Variants in DAB1 observed in about 807,000 individuals in gnomAD.
DAB1 encodes disabled homolog 1.
Under a neutral mutation model 64.6 loss-of-function variants are expected in DAB1, and 15 were observed. The ratio of observed to expected loss-of-function variants is 0.23; its 90% CI spans 0.16 to 0.36. The LOEUF is 0.36. Among genes scored for constraint, DAB1 ranks in the 10% least tolerant of loss-of-function variants. The pLI, the probability that DAB1 is intolerant of heterozygous loss-of-function variation, is 1.00. For synonymous variants in DAB1, 235 were observed against 251.9 expected (o/e 0.93, Z 0.64); for missense variants, 596 against 706.7 (o/e 0.84, Z 1.78).
At chr1:57,145,003 C>T (rs1658978318) in intron 3 of DAB1, among the ~76,000 whole-genome samples, 2 of 152,014 alleles carry the variant, frequency 1.3e-5, no homozygotes, top group South Asian at 2.1e-4. Flanking sequence ...TAATTTTTTG[C>T]TTTTATTTTT....
intron 4 of DAB1, among the ~76,000 whole-genome samples, chr1:58,288,038 A>AAAAAAAAAAG (rs1557722959): frequency 7.3e-5 from 9 of 122,658 alleles, no homozygotes; most frequent in African/African-American, 9.0e-5. Context: ...AAAAAAAAAA[A>AAAAAAAAAAG]AAAAAAAGAA....
chr1:57,657,765 A>G (rs982413718), intron 6 of DAB1, among the ~76,000 whole-genome samples: 10 of 152,212 alleles, frequency 6.6e-5, no homozygotes, highest in South Asian at 2.1e-4. Context: ...TTTAATCAAG[A>G]GAAGTTCAAA....
intron 6 of DAB1, among the ~76,000 whole-genome samples, chr1:57,728,557 G>A (rs952115620): frequency 4.5e-4 from 68 of 151,514 alleles, no homozygotes; most frequent in Admixed American, 3.9e-4. Context: ...TCACGTCACC[G>A]TACTCCAGCC....
intron 7 of DAB1, among the ~76,000 whole-genome samples, chr1:57,467,503 T>C (rs1055461625): frequency 6.6e-6 from 1 of 152,154 alleles, no homozygotes; most frequent in African/African-American, 2.4e-5. Flanking sequence ...ATTTGTAACA[T>C]TAAAGTTTGA....
intron 4 of DAB1, among the ~76,000 whole-genome samples, chr1:57,127,072 A>G (rs1033430481): frequency 6.6e-6 from 1 of 152,236 alleles, no homozygotes; most frequent in Non-Finnish European, 1.5e-5. Flanking sequence ...CATCATTTTG[A>G]TACAAATAGC....
At chr1:57,557,131 G>A (rs1012827955) in intron 7 of DAB1, among the ~76,000 whole-genome samples, 1 of 152,152 alleles carries the variant, frequency 6.6e-6, no homozygotes, top group African/African-American at 2.4e-5. Context: ...ATTTGAGTCA[G>A]TGGGCTTGGA....
intron 5 of DAB1, among the ~76,000 whole-genome samples, chr1:57,928,577 C>T (rs553469582): frequency 2.1e-4 from 32 of 152,326 alleles, no homozygotes; most frequent in South Asian, 1.9e-3. Flanking sequence ...AGTTTCACTG[C>T]TGTGAATACG....
intron 7 of DAB1, among the ~76,000 whole-genome samples, chr1:57,496,271 T>C (rs900947882): frequency 6.6e-6 from 1 of 152,098 alleles, no homozygotes; most frequent in African/African-American, 2.4e-5. Context: ...TGTGTTCTAG[T>C]GAGGAGTTTT....
intron 7 of DAB1, among the ~76,000 whole-genome samples, chr1:57,635,108 G>A (rs1349751460): frequency 6.6e-6 from 1 of 152,174 alleles, no homozygotes; most frequent in African/African-American, 2.4e-5. Context: ...AGGACAGTGT[G>A]CCATGAATCA....
intron 1 of DAB1, among the ~76,000 whole-genome samples, chr1:57,830,367 A>C (rs1331356067): frequency 1.3e-5 from 2 of 152,226 alleles, no homozygotes; most frequent in Non-Finnish European, 2.9e-5. Context: ...ACTATGAGGT[A>C]GGCCTATTAC....
At chr1:58,113,523 C>CA (rs528108602) in intron 5 of DAB1, among the ~76,000 whole-genome samples, 121 of 151,826 alleles carry the variant, frequency 8.0e-4, no homozygotes, top group Non-Finnish European at 1.2e-3. Context: ...GCACAAATGG[C>CA]AAAAAAAACT....
At chr1:57,158,109 C>T (rs934965697) in intron 2 of DAB1, among the ~76,000 whole-genome samples, 3 of 152,130 alleles carry the variant, frequency 2.0e-5, no homozygotes, top group Non-Finnish European at 4.4e-5. Flanking sequence ...TACCTGTATT[C>T]CTCTGTAGAA....
intron 7 of DAB1, among the ~76,000 whole-genome samples, chr1:57,492,404 T>C (rs1644176415): frequency 6.6e-6 from 1 of 152,158 alleles, no homozygotes; most frequent in Non-Finnish European, 1.5e-5. Context: ...TGCTCTAATA[T>C]ACAAAGAGAT....
chr1:57,879,907 G>A (rs1216368178), intron 1 of DAB1, among the ~76,000 whole-genome samples: 2 of 152,158 alleles, frequency 1.3e-5, no homozygotes, highest in Non-Finnish European at 1.5e-5. Context: ...AACAGAGGCT[G>A]TTGCACAGAG....
intron 4 of DAB1, among the ~76,000 whole-genome samples, chr1:58,194,200 C>G (rs1228885277): frequency 6.6e-6 from 1 of 152,076 alleles, no homozygotes; most frequent in Non-Finnish European, 1.5e-5. Flanking sequence ...GTGCATATAC[C>G]CAGAGAACAG....
intron 1 of DAB1, among the ~76,000 whole-genome samples, chr1:57,354,476 CAGTT>C (rs1250400087): frequency 1.3e-5 from 2 of 152,084 alleles, no homozygotes; most frequent in South Asian, 2.1e-4. Context: ...TTGCCAGACT[CAGTT>C]AGGGAATTGA....
intron 2 of DAB1, among the ~76,000 whole-genome samples, chr1:58,526,799 AG>A (rs1557453916): frequency 6.6e-6 from 1 of 152,124 alleles, no homozygotes; most frequent in East Asian, 1.9e-4. Flanking sequence ...CAGAGAAGCA[AG>A]GGGTAAAATA....
At chr1:58,074,910 C>A (rs12063389) in intron 5 of DAB1, among the ~76,000 whole-genome samples, 13,640 of 152,034 alleles carry the variant, frequency 0.09, 919 homozygotes, top group African/African-American at 0.18. Flanking sequence ...CTCTGTCCCC[C>A]GGGAGCAGGG....
rs556996063 is a variant in DAB1 at position 58,225,203 on chromosome 1, A to G, written n.310-74615T>C. Among the ~76,000 whole-genome samples the G allele has an allele frequency of 3.3e-5, 5 of 152,052 alleles. No homozygotes were observed. In the East Asian group the frequency reaches 7.7e-4, roughly 24 times the overall value. On this transcript the variant is annotated intron_variant and non_coding_transcript_variant, in intron 4 of 20. Coordinates refer to the DAB1 transcript ENST00000485760. Reference sequence around the variant, plus strand: ...AGACATTTATGCAGCCAAAAGACACATGAAAAAATGCTCATCATCACTGGC... The same window carrying G: ...AGACATTTATGCAGCCAAAAGACACGTGAAAAAATGCTCATCATCACTGGC...
Sources: allele counts gnomAD v4.1 joint callset (sites outside exome capture counted in the v4.1 genomes callset), GRCh38; gene constraint gnomAD v4.1.1; transcripts MANE v1.5; gene names NCBI Gene and HGNC (gene_info 2026-07-23, HGNC 2026-07-21).